ZNF732: variants seen among roughly 807,000 people sequenced by gnomAD.
The protein encoded by ZNF732 is zinc finger protein 732, also known as zinc finger protein LOC654254.
ZNF732 carries 12 observed loss-of-function variants against 11.5 expected under a neutral mutation model. That is an observed-to-expected ratio of 1.05 (90% CI 0.67 to 1.70). ZNF732 has a LOEUF of 1.70. Among genes scored for constraint, ZNF732 ranks in the 40% most tolerant of loss-of-function variants. The pLI, the probability that ZNF732 is intolerant of heterozygous loss-of-function variation, is 0.00. For synonymous variants in ZNF732, 231 were observed against 236.5 expected (o/e 0.98, Z 0.21); for missense variants, 702 against 676.9 (o/e 1.04, Z -0.41).
chr4:279,969 C>T (rs1455099866), intron 3 of ZNF732, among the ~76,000 whole-genome samples: 4 of 152,080 alleles, frequency 2.6e-5, no homozygotes, highest in South Asian at 2.1e-4. Context: ...CTGAATTACA[C>T]ATATATTTTA....
intron 3 of ZNF732, among the ~76,000 whole-genome samples, chr4:290,867 T>C (rs1346905090): frequency 6.6e-6 from 1 of 152,176 alleles, no homozygotes; most frequent in Non-Finnish European, 1.5e-5. Context: ...AGAGGTAGTC[T>C]CATCAGCCTG....
chr4:280,855 G>C (rs978074369), intron 3 of ZNF732, among the ~76,000 whole-genome samples: 5 of 152,146 alleles, frequency 3.3e-5, no homozygotes, highest in African/African-American at 1.2e-4. Context: ...TATGCCTCAG[G>C]TGAAAGGCCT....
At chr4:299,418 C>CATGTGTAT (rs1560165132) in intron 1 of ZNF732, among the ~76,000 whole-genome samples, 22 of 83,492 alleles carry the variant, frequency 2.6e-4, no homozygotes, top group Non-Finnish European at 4.4e-4. Flanking sequence ...TATATATACA[C>CATGTGTAT]ATATATACAC....
intron 3 of ZNF732, among the ~76,000 whole-genome samples, chr4:290,638 C>T (rs1719826645): frequency 6.6e-6 from 1 of 152,218 alleles, no homozygotes; most frequent in African/African-American, 2.4e-5. Flanking sequence ...CAAACCCATT[C>T]ATACACCTGT....
chr4:271,581 C>T lies in ZNF732; in HGVS notation c.1276G>A (p.Ala426Thr), dbSNP rs782689531. The change falls in exon 4 of 4, where the codon GCC (alanine) becomes ACC (threonine). Residue 426 changes from alanine to threonine, a missense_variant. Transcript: ENST00000419098. ...RPHKCEECGK[A>T]FGWSTDLNKH... is the part of the protein sequence containing the mutation. ...TTCAGGTCTGTGGACCATCCAAAGG[C>T]TTTGCCACACTCTTCACATTTGTGG... 13 of 1,613,324 alleles carry T rather than the reference C, an allele frequency of 8.1e-6. No individual in the cohort carries two copies. Among genetic ancestry groups the T allele is most frequent in the Admixed American group, 1.7e-5 (1 of 59,902 alleles).
rs781848302 is a variant in ZNF732, at chr4:272,491, C to T, written c.366G>A (p.Gln122=). The change falls in exon 4 of 4, where the codon CAG becomes CAA. Residue 122 remains glutamine (Q), a synonymous_variant. Transcript: ENST00000419098. ...GATTAAATTCATTATAACCTCCTTT[C>T]TGCACCTTCCTTTTACAGCTTTTTC... ...ELRKSCKRKV[Q]KGGYNEFNQC... 6.2e-7 allele frequency: 1 copy of T among 1,602,766 alleles called. No individual in the cohort carries two copies. Among genetic ancestry groups the T allele is most frequent in the Non-Finnish European group, 8.5e-7 (1 of 1,173,832 alleles).
At chr4:304,401 C>T (rs914832494) in intron 1 of ZNF732, among the ~76,000 whole-genome samples, 2 of 152,160 alleles carry the variant, frequency 1.3e-5, no homozygotes, top group Admixed American at 1.3e-4. Flanking sequence ...CACCAGGCAT[C>T]TTTCTCCAGC....
At chr4:274,675 AAAG>A (rs1212445509) in intron 3 of ZNF732, among the ~76,000 whole-genome samples, 1 of 151,742 alleles carries the variant, frequency 6.6e-6, no homozygotes, top group Non-Finnish European at 1.5e-5. Context: ...AGGCAAAATG[AAAG>A]AAGAGATTTC....
intron 3 of ZNF732, among the ~76,000 whole-genome samples, chr4:294,288 A>C (rs955603569): frequency 7.2e-5 from 11 of 152,284 alleles, no homozygotes; most frequent in African/African-American, 2.4e-4. Flanking sequence ...GCGTGAGGCA[A>C]GGCACCCAGC....
At chr4:275,445 A>C (rs1462748586) in intron 3 of ZNF732, among the ~76,000 whole-genome samples, 1 of 151,700 alleles carries the variant, frequency 6.6e-6, no homozygotes, top group Non-Finnish European at 1.5e-5. Context: ...AGTACCCAAC[A>C]ATCTTCAAAA....
At chr4:290,547 T>A (rs559383364) in intron 3 of ZNF732, among the ~76,000 whole-genome samples, 2 of 152,256 alleles carry the variant, frequency 1.3e-5, no homozygotes, top group South Asian at 2.1e-4. Context: ...CCATATGTAG[T>A]CACAGTCTGT....
intron 3 of ZNF732, among the ~76,000 whole-genome samples, chr4:293,510 G>A (rs1397249122): frequency 6.6e-6 from 1 of 151,940 alleles, no homozygotes; most frequent in South Asian, 2.1e-4. Flanking sequence ...AAAGTAGAAT[G>A]GTGGTTGTTG....
intron 3 of ZNF732, among the ~76,000 whole-genome samples, chr4:286,375 C>T (rs182128373): frequency 6.6e-6 from 1 of 152,246 alleles, no homozygotes; most frequent in East Asian, 1.9e-4. Context: ...ATTTACACAT[C>T]CATATTCATT....
intron 1 of ZNF732, among the ~76,000 whole-genome samples, chr4:299,398 T>C (rs562970768): frequency 0.012 from 496 of 42,626 alleles, 6 homozygotes; most frequent in African/African-American, 0.027. Flanking sequence ...TATGTACACA[T>C]ATGTGTATAT....
chr4:276,843 G>A (rs1193823427), intron 3 of ZNF732, among the ~76,000 whole-genome samples: 1 of 150,778 alleles, frequency 6.6e-6, no homozygotes, highest in Non-Finnish European at 1.5e-5. Context: ...CCCCCAAATA[G>A]CAAAAGTAAT....
At position 305,336 on chromosome 4, in the gene ZNF732, G is replaced by A. The variant is rs1553844293; in HGVS notation, c.-26C>T. On this transcript the variant is annotated 5_prime_UTR_variant, in exon 1 of 4. Transcript: ENST00000419098. ...TTCCCCACTTCAGGGGTGTAGCGGA[G>A]TCTCAGCTACGAATCATCCAATACC... The A allele has an allele frequency of 6.2e-7, 1 of 1,607,728 alleles. No individual in the cohort carries two copies.
chr4:303,957 G>T (rs1221280861), intron 1 of ZNF732, among the ~76,000 whole-genome samples: 1 of 152,200 alleles, frequency 6.6e-6, no homozygotes, highest in Admixed American at 6.5e-5. Flanking sequence ...TCTAGGCAGG[G>T]TTACCATCTG....
In ZNF732 at chr4:271,298, T is replaced by C; in HGVS notation, c.1559A>G (p.His520Arg). The change falls in exon 4 of 4, where the codon CAT (histidine) becomes CGT (arginine). Residue 520 changes from histidine (H) to arginine (R), a missense_variant. This residue lies in a region of ZNF732 where 94 missense variants were observed against 87.5 expected (regional missense o/e 1.07). Coordinates refer to ENST00000419098, the MANE Select transcript of ZNF732 (RefSeq NM_001137608.3). ...AFGWSTYLSK[H>R]KKIHTGEKPY... ...TTTCTCTCCAGTATGAATTTTCTTA[T>C]GTTTACTCAGGTATGTGGACCATCC... 1.9e-6 allele frequency: 3 copies of C among 1,597,898 alleles called. No individual in the cohort carries two copies. Among genetic ancestry groups the C allele is most frequent in the Non-Finnish European group, 2.6e-6 (3 of 1,171,220 alleles).
chr4:271,565 G>C lies in ZNF732; in HGVS notation c.1292C>G (p.Thr431Arg), dbSNP rs376489653. ...EECGKAFGWS[T>R]DLNKHKIIHT... ...AATTATCTTATGTTTATTCAGGTCT[G>C]TGGACCATCCAAAGGCTTTGCCACA... is the stretch of plus-strand genomic sequence containing the variant. Residue 431 changes from threonine to arginine, a missense_variant, in exon 4 of 4, where the codon ACA becomes AGA. By Grantham distance (71) the Thr-to-Arg change is moderately conservative (BLOSUM62 -1). This residue lies in a region of ZNF732 where 596 missense variants were observed against 557.9 expected (regional missense o/e 1.07). Coordinates refer to ENST00000419098, the MANE Select transcript of ZNF732 (RefSeq NM_001137608.3). 17 of 1,607,426 alleles carry C rather than the reference G, an allele frequency of 1.1e-5. No individual in the cohort carries two copies. The African/African-American group carries it at 1.6e-4, about 15-fold the overall frequency.
Sources: gnomAD v4.1 joint callset for allele counts (sites outside exome capture counted in the v4.1 genomes callset) on GRCh38, gnomAD v4.1.1 for gene constraint, gnomAD v4.1.1 regional missense constraint, MANE v1.5 for transcripts, NCBI Gene and HGNC (gene_info 2026-07-23, HGNC 2026-07-21) for gene names.